Variants in PLCE1 observed in about 807,000 individuals in gnomAD.
PLCE1 encodes the protein 1-phosphatidylinositol 4,5-bisphosphate phosphodiesterase epsilon-1.
A neutral mutation model predicts 242.8 loss-of-function variants in PLCE1; 119 were observed. That is an observed-to-expected ratio of 0.49 (90% CI 0.42 to 0.57). The LOEUF is 0.57. PLCE1 is among the 20% of genes least tolerant of loss of function. The pLI, the probability that PLCE1 is intolerant of heterozygous loss-of-function variation, is 0.00. For missense variants in PLCE1, 2,441 were observed against 2,788.8 expected (o/e 0.88, Z 2.81); for synonymous variants, 945 against 1,017.4 (o/e 0.93, Z 1.35).
rs149395302 is a variant in PLCE1, at chr10:94,092,306, G to A, written c.1207-39868G>A. ...TTTTTTTCCCTACCCCACCTTCTTT[G>A]TCCAATAAAGTAAGAAGAAACAACC... On this transcript the variant is annotated intron_variant, in intron 2 of 32. Coordinates refer to ENST00000371380, the MANE Select transcript of PLCE1 (RefSeq NM_016341.4). 1.8e-3 allele frequency among the ~76,000 whole-genome samples: 280 copies of A among 152,184 alleles called. 2 individuals carry two copies. Among genetic ancestry groups the A allele is most frequent in the African/African-American group, 6.5e-3 (272 of 41,542 alleles).
chr10:94,295,480 C>T (rs1053594262), intron 23 of PLCE1, among the ~76,000 whole-genome samples: 1 of 152,132 alleles, frequency 6.6e-6, no homozygotes, highest in African/African-American at 2.4e-5. Context: ...CTGTTTCCAC[C>T]ATATCTGCAG....
At chr10:94,293,425 A>C in intron 22 of PLCE1, 83 bp from the exon 23 acceptor site, 1 of 1,506,972 alleles carries the variant, frequency 6.6e-7, no homozygotes, top group African/African-American at 1.4e-5. Context: ...TAGGACTTCA[A>C]AATAAATATT....
intron 27 of PLCE1, among the ~76,000 whole-genome samples, chr10:94,312,547 ATTTTTCAGAAAGCCCTCCCTGG>A (rs1236190138): frequency 6.6e-6 from 1 of 152,048 alleles, no homozygotes; most frequent in African/African-American, 2.4e-5. Flanking sequence ...TTCAGATACC[ATTTTTCAGAAAGCCCTCCCTGG>A]TTTCTCCCTT....
intron 1 of PLCE1, among the ~76,000 whole-genome samples, chr10:94,014,989 C>T (rs2061251843): frequency 6.6e-6 from 1 of 152,204 alleles, no homozygotes; most frequent in Non-Finnish European, 1.5e-5. Flanking sequence ...TGGGTTAACT[C>T]ACAGTATGGG....
At chr10:94,204,933 A>G (rs1460045843) in intron 4 of PLCE1, among the ~76,000 whole-genome samples, 1 of 152,240 alleles carries the variant, frequency 6.6e-6, no homozygotes, top group Admixed American at 6.5e-5. Flanking sequence ...AATTCAAAAC[A>G]TGACTCTCTA....
rs1319119451 is a variant in PLCE1, at chr10:94,030,685, A to G, written c.-362A>G. The G allele has an allele frequency of 2.6e-5, 7 of 265,280 alleles. No homozygotes were observed. The highest frequency in any genetic ancestry group is 1.0e-4 in the Admixed American group (2 of 19,790). The allele number at this position is 265,280 out of a possible 1,614,324, so 16.4% of individuals were successfully genotyped here. ...TGACATTATCTCTTTTCTTACAGGAAACAGGAATCATTCAAACTGGATTTT... is the reference window on the plus strand; with the variant it reads ...TGACATTATCTCTTTTCTTACAGGAGACAGGAATCATTCAAACTGGATTTT... On this transcript the variant is annotated splice_region_variant and 5_prime_UTR_variant, in exon 2 of 33. Transcript: ENST00000371380.
At chr10:94,005,217 A>G (rs1475459396) in intron 1 of PLCE1, among the ~76,000 whole-genome samples, 2 of 152,180 alleles carry the variant, frequency 1.3e-5, no homozygotes, top group African/African-American at 2.4e-5. Flanking sequence ...AGAGACAGCA[A>G]ATGCTCACCT....
Position 94,106,800 on chromosome 10 carries a change from G to C in PLCE1, c.1207-25374G>C, listed in dbSNP as rs192727182. On this transcript the variant is annotated intron_variant, in intron 2 of 32. Transcript: ENST00000371380. ...CTCTGGGAGCTCATATTCTCTGCTT[G>C]TCATGCCTCTATGCCTCTCTTTTTG... 2.1e-3 allele frequency among the ~76,000 whole-genome samples: 313 copies of C among 151,818 alleles called. 7 individuals carry two copies. Among genetic ancestry groups the C allele is most frequent in the Admixed American group, 0.02 (299 of 15,236 alleles).
chr10:94,246,315 C>G lies in PLCE1; in HGVS notation c.2790C>G (p.Ser930Arg), dbSNP rs768717488. Reference protein sequence around the residue: ...FPLLGNAGLSSLTEGVLDLFA... With the variant: ...FPLLGNAGLSRLTEGVLDLFA... Reference sequence around the variant, plus strand: ...TACTGGGTAATGCTGGATTAAGTAGCCTGACGGAAGGGGTCTTGGATCTTT... The same window carrying G: ...TACTGGGTAATGCTGGATTAAGTAGGCTGACGGAAGGGGTCTTGGATCTTT... The change falls in exon 8 of 33, where the codon AGC (serine) becomes AGG (arginine). Residue 930 changes from serine to arginine, a missense_variant. By Grantham distance (110) the Ser-to-Arg change is moderately radical. Coordinates refer to ENST00000371380, the MANE Select transcript of PLCE1 (RefSeq NM_016341.4). 1 of 1,614,160 alleles carries G rather than the reference C, an allele frequency of 6.2e-7. No homozygotes were observed. Among genetic ancestry groups the G allele is most frequent in the South Asian group, 1.1e-5 (1 of 91,078 alleles).
intron 3 of PLCE1, among the ~76,000 whole-genome samples, chr10:94,162,502 T>G (rs1406933877): frequency 6.6e-6 from 1 of 152,208 alleles, no homozygotes; most frequent in East Asian, 1.9e-4. Flanking sequence ...CGGTGTGATA[T>G]CCCCTTTATC....
At chr10:94,212,433 T>C (rs1006935022) in intron 4 of PLCE1, among the ~76,000 whole-genome samples, 5 of 152,202 alleles carry the variant, frequency 3.3e-5, no homozygotes, top group African/African-American at 1.2e-4. Flanking sequence ...ATTTTTTGTA[T>C]TTTTAGTAGA....
chr10:94,235,780 G>A (rs1292403338), intron 6 of PLCE1, 135 bp from the exon 7 acceptor site: 1 of 1,460,788 alleles, frequency 6.8e-7, no homozygotes, highest in African/African-American at 1.4e-5. Context: ...TGTTTTTCCT[G>A]GAGGCTCTTG....
At chr10:94,175,723 C>T (rs540546546) in intron 4 of PLCE1, among the ~76,000 whole-genome samples, 2 of 152,252 alleles carry the variant, frequency 1.3e-5, no homozygotes, top group South Asian at 2.1e-4. Flanking sequence ...CTCCCCTCTA[C>T]TACCTTTCTC....
At chr10:94,052,932 A>G (rs1378228984) in intron 2 of PLCE1, among the ~76,000 whole-genome samples, 3 of 152,340 alleles carry the variant, frequency 2.0e-5, no homozygotes, top group Admixed American at 2.0e-4. Context: ...GCAAATTGAA[A>G]AAATCTGGAG....
chr10:94,178,001 T>C (rs1368391578), intron 4 of PLCE1, among the ~76,000 whole-genome samples: 5 of 152,216 alleles, frequency 3.3e-5, no homozygotes, highest in African/African-American at 9.6e-5. Flanking sequence ...TCATGTCTCC[T>C]TAATATGTCC....
chr10:94,244,355 C>T (rs908063604), intron 7 of PLCE1, among the ~76,000 whole-genome samples: 9 of 152,158 alleles, frequency 5.9e-5, no homozygotes, highest in Admixed American at 5.2e-4. Flanking sequence ...TTTTACTCAC[C>T]ACTTTGCTGG....
intron 4 of PLCE1, among the ~76,000 whole-genome samples, chr10:94,186,320 A>G (rs2048478490): frequency 6.6e-6 from 1 of 152,138 alleles, no homozygotes; most frequent in African/African-American, 2.4e-5. Flanking sequence ...ATCAACTAAA[A>G]CTGCTAGACT....
At chr10:94,299,290 A>G (rs2052953973) in intron 24 of PLCE1, among the ~76,000 whole-genome samples, 1 of 152,200 alleles carries the variant, frequency 6.6e-6, no homozygotes, top group South Asian at 2.1e-4. Flanking sequence ...TGCATTAGGC[A>G]GTACGCTGAA....
chr10:94,040,841 G>A (rs943775868), intron 2 of PLCE1, among the ~76,000 whole-genome samples: 3 of 151,972 alleles, frequency 2.0e-5, no homozygotes, highest in African/African-American at 4.8e-5. Flanking sequence ...ATCAAAAGAA[G>A]GATACTATTT....
Sources: gnomAD v4.1 joint callset for allele counts (sites outside exome capture counted in the v4.1 genomes callset) on GRCh38, gnomAD v4.1.1 for gene constraint, MANE v1.5 for transcripts, NCBI Gene and HGNC (gene_info 2026-07-23, HGNC 2026-07-21) for gene names.